The following SMCHD1 variants were observed in gnomAD, a reference collection of about 807,000 sequenced individuals.
SMCHD1 encodes the protein structural maintenance of chromosomes flexible hinge domain containing 1.
SMCHD1 carries 78 observed loss-of-function variants against 254.7 expected under a neutral mutation model. That is an observed-to-expected ratio of 0.31 (90% confidence interval 0.26 to 0.37). The LOEUF is 0.37. Among genes scored for constraint, SMCHD1 ranks in the 10% least tolerant of loss-of-function variants. The probability of loss-of-function intolerance (pLI) is 1.00; values close to 1 mark genes in which losing one functional copy is unlikely to be tolerated. For synonymous variants in SMCHD1, 766 were observed against 794.9 expected (o/e 0.96, Z 0.61); for missense variants, 1,840 against 2,408.1 (o/e 0.76, Z 4.94).
intron 13 of SMCHD1, 65 bp from the exon 14 acceptor site, chr18:2,705,629 A>C: frequency 1.5e-6 from 1 of 657,258 alleles, no homozygotes; most frequent in Non-Finnish European, 2.4e-6. Context: ...AATTATTATT[A>C]AGCCTTTTTC....
intron 29 of SMCHD1, among the ~76,000 whole-genome samples, chr18:2,746,534 A>C (rs1258705146): frequency 6.6e-6 from 1 of 152,248 alleles, no homozygotes; most frequent in Non-Finnish European, 1.5e-5. Flanking sequence ...GTAGCTGTGT[A>C]AACTTTATGG....
At chr18:2,729,162 T>G (rs2075086328) in intron 23 of SMCHD1, 113 bp from the exon 24 acceptor site, 1 of 827,394 alleles carries the variant, frequency 1.2e-6, no homozygotes, top group African/African-American at 1.8e-5. Context: ...TAGAATTTTC[T>G]TATTCATTGC....
chr18:2,756,711 C>T (rs917295102), intron 34 of SMCHD1, among the ~76,000 whole-genome samples: 1 of 152,150 alleles, frequency 6.6e-6, no homozygotes, highest in Non-Finnish European at 1.5e-5. Context: ...TCTCCTGCCT[C>T]AGCCTCCCAA....
intron 10 of SMCHD1, among the ~76,000 whole-genome samples, chr18:2,699,535 T>C (rs577671105): frequency 6.6e-6 from 1 of 152,268 alleles, no homozygotes; most frequent in East Asian, 1.9e-4. Flanking sequence ...AGACAAGGTT[T>C]TGTCATGTTG....
chr18:2,708,867 CATATATAT>C (rs763226355), intron 17 of SMCHD1, among the ~76,000 whole-genome samples: 248 of 8,296 alleles, frequency 0.03, 19 homozygotes, highest in Admixed American at 0.076. Flanking sequence ...TCAATAACTT[CATATATAT>C]ATATATATAT....
chr18:2,726,652 A>C (rs2075032995), intron 22 of SMCHD1, 128 bp downstream of exon 22: 3 of 386,002 alleles, frequency 7.8e-6, no homozygotes, highest in Non-Finnish European at 1.4e-5. Flanking sequence ...TAAATGTCAA[A>C]CCATAGCACT....
At chr18:2,675,677 G>A (rs1224837870) in intron 5 of SMCHD1, among the ~76,000 whole-genome samples, 1 of 152,152 alleles carries the variant, frequency 6.6e-6, no homozygotes, top group Non-Finnish European at 1.5e-5. Flanking sequence ...TGTGAGGATA[G>A]GATTTAGCAT....
rs201477496 is a variant in SMCHD1, at chr18:2,770,092, T to G, written c.4950T>G (p.Leu1650=). The part of the protein sequence containing the change: ...YKSLFEASQQ[L]LNEMKCQVEE... ...GTTTATTTGAAGCCAGCCAACAGCT[T>G]CTTAATGAAATGAAATGTAAGTCAT... Residue 1650 remains leucine, a synonymous_variant, in exon 39 of 48, where the codon CTT becomes CTG. Transcript: ENST00000320876. The G allele has an allele frequency of 6.3e-7, 1 of 1,598,992 alleles. No individual in the cohort carries two copies. The highest frequency in any genetic ancestry group is 1.4e-5 in the African/African-American group (1 of 74,046).
chr18:2,743,934 TC>T lies in SMCHD1; in HGVS notation c.3801+7del. 2 of 1,584,784 alleles carry T rather than the reference TC, an allele frequency of 1.3e-6. No homozygotes were observed. Among genetic ancestry groups the T allele is most frequent in the Non-Finnish European group, 1.7e-6 (2 of 1,165,748 alleles). On this transcript the variant is annotated splice_region_variant and intron_variant, in intron 29 of 47. Transcript: ENST00000320876. ...ACTGGCCAGAACTAAAGGAGGTAAG[TC>T]ACTTCATGTCTTCACTGAAAGAATT...
intron 7 of SMCHD1, among the ~76,000 whole-genome samples, chr18:2,692,165 C>T (rs1035952030): frequency 3.3e-5 from 5 of 152,188 alleles, no homozygotes; most frequent in African/African-American, 1.2e-4. Flanking sequence ...TGATGAATAC[C>T]AACTGATCAT....
At chr18:2,719,838 G>A (rs2074886888) in intron 19 of SMCHD1, among the ~76,000 whole-genome samples, 1 of 151,928 alleles carries the variant, frequency 6.6e-6, no homozygotes, top group Non-Finnish European at 1.5e-5. Flanking sequence ...ACCACGCCCG[G>A]CTAATTTTGT....
intron 1 of SMCHD1, among the ~76,000 whole-genome samples, chr18:2,657,839 T>G (rs1312583971): frequency 6.6e-6 from 1 of 152,234 alleles, no homozygotes; most frequent in African/African-American, 2.4e-5. Context: ...TTTTAAGTAA[T>G]GCTGTAATAA....
intron 44 of SMCHD1, among the ~76,000 whole-genome samples, chr18:2,780,136 G>A (rs1426858021): frequency 6.7e-6 from 1 of 149,100 alleles, no homozygotes; most frequent in African/African-American, 2.5e-5. Flanking sequence ...GTACTTAGGA[G>A]GCTGAGGCAG....
In SMCHD1 at chr18:2,802,248, T is replaced by C. The variant is rs558136886; in HGVS notation, c.5994-280T>C. ...GGGGTGAAAGGAAAAATCTGCAGAA[T>C]TTAGGTCTGAGATAATACCATTTCA... On this transcript the variant is annotated intron_variant, in intron 47 of 47. Transcript: ENST00000320876. Among the ~76,000 whole-genome samples the C allele has an allele frequency of 2.2e-4, 34 of 152,228 alleles. 1 individual carries two copies. In the South Asian group the frequency reaches 7.0e-3, roughly 32 times the overall value.
rs528078991 is a variant in SMCHD1, at chr18:2,728,351, A to G, written c.2774-106A>G. 15 of 1,150,416 alleles carry G rather than the reference A, an allele frequency of 1.3e-5. No individual in the cohort carries two copies. The African/African-American group carries it at 1.4e-4, about 11-fold the overall frequency. The allele number at this position is 1,150,416 out of a possible 1,614,324, so 71.3% of individuals were successfully genotyped here. On this transcript the variant is annotated intron_variant, in intron 22 of 47. Coordinates refer to ENST00000320876, the MANE Select transcript of SMCHD1 (RefSeq NM_015295.3). ...GCCTATATTTTTCTTTCTTGGCAATATTTATAAAATATTAAGTCTTTAATG... is the reference window on the plus strand; with the variant it reads ...GCCTATATTTTTCTTTCTTGGCAATGTTTATAAAATATTAAGTCTTTAATG...
chr18:2,679,928 C>G (rs1175328245), intron 5 of SMCHD1, among the ~76,000 whole-genome samples: 1 of 152,038 alleles, frequency 6.6e-6, no homozygotes, highest in Non-Finnish European at 1.5e-5. Flanking sequence ...TAATTTCAAT[C>G]AGCCTACCTT....
At chr18:2,659,512 G>A (rs2073179891) in intron 1 of SMCHD1, among the ~76,000 whole-genome samples, 2 of 152,200 alleles carry the variant, frequency 1.3e-5, no homozygotes, top group Non-Finnish European at 2.9e-5. Flanking sequence ...CCTCTGATAA[G>A]CAGCTGTTGA....
intron 37 of SMCHD1, among the ~76,000 whole-genome samples, chr18:2,766,354 T>C (rs2075868628): frequency 2.0e-5 from 3 of 152,218 alleles, no homozygotes; most frequent in Non-Finnish European, 4.4e-5. Context: ...CTGTATATAC[T>C]CCTGAGATTC....
At position 2,689,964 on chromosome 18, in the gene SMCHD1, A is replaced by G. The variant is rs184777861; in HGVS notation, c.873+1217A>G. On this transcript the variant is annotated intron_variant, in intron 7 of 47. Transcript: ENST00000320876. Reference sequence around the variant, plus strand: ...ACTTGAGCCCAGCTGCAAGTGAGCTATGATCATGCCACTACATTCCAATTT... The same window carrying G: ...ACTTGAGCCCAGCTGCAAGTGAGCTGTGATCATGCCACTACATTCCAATTT... Among the ~76,000 whole-genome samples the G allele has an allele frequency of 9.3e-3, 1,408 of 151,850 alleles. 61 individuals are homozygous for G. The highest frequency in any genetic ancestry group is 0.075 in the Admixed American group (1,140 of 15,228).
Sources: allele counts gnomAD v4.1 joint callset (sites outside exome capture counted in the v4.1 genomes callset), GRCh38; gene constraint gnomAD v4.1.1; transcripts MANE v1.5; gene names NCBI Gene and HGNC (gene_info 2026-07-23, HGNC 2026-07-21).